The following ZNF551 variants were observed in gnomAD, a reference collection of about 807,000 sequenced individuals.
ZNF551 encodes KOX 23 protein (56 AA).
In ZNF551, 5 loss-of-function variants were observed where a neutral mutation model predicts 7.9. The ratio of observed to expected loss-of-function variants is 0.63; its 90% CI spans 0.33 to 1.33. ZNF551 has a LOEUF of 1.33. ZNF551 is among the 40% of genes most tolerant of loss of function. ZNF551 has a pLI of 0.05. For missense variants in ZNF551, 788 were observed against 825.2 expected, an observed-to-expected ratio of 0.95 and a Z score of 0.55; for synonymous variants, 287 against 277.3, an observed-to-expected ratio of 1.03 and a Z score of -0.35.
In ZNF551 at chr19:57,682,028, G is replaced by T; in HGVS notation, c.-136G>T. On this transcript the variant is annotated 5_prime_UTR_variant, in exon 1 of 3. Coordinates refer to ENST00000282296, the MANE Select transcript of ZNF551 (RefSeq NM_138347.5). ...GGTCATTTTGGCCTCTGTCCTGTTT[G>T]TCCAGCCCGCCAGTTTCTGCAGTGG... 1 of 945,812 alleles carries T rather than the reference G, an allele frequency of 1.1e-6. No individual in the cohort carries two copies. Among genetic ancestry groups the T allele is most frequent in the Non-Finnish European group, 1.6e-6 (1 of 636,562 alleles). 58.6% of individuals were successfully genotyped at this position (945,812 alleles called of 1,614,324 possible). A position where few individuals can be genotyped will look rare whatever the true frequency, so the allele number is the denominator to read the frequency against.
rs377605982 is a variant in ZNF551, at chr19:57,688,300, A to G, written c.*12A>G. 87 of 1,611,008 alleles carry G rather than the reference A, an allele frequency of 5.4e-5. No homozygotes were observed. Among genetic ancestry groups the G allele is most frequent in the Non-Finnish European group, 7.2e-5 (85 of 1,177,924 alleles). On this transcript the variant is annotated 3_prime_UTR_variant, in exon 3 of 3. Coordinates refer to ENST00000282296, the MANE Select transcript of ZNF551 (RefSeq NM_138347.5). ...AAGAAAGGCCTTAAATGTGAAGGGA[A>G]TGTGCTATTTCTTTATTCAGTATAA...
Position 57,688,074 on chromosome 19 carries a change from C to G in ZNF551, c.1799C>G (p.Ser600Cys), listed in dbSNP as rs760992855. The change falls in exon 3 of 3, where the codon TCT becomes TGT. Residue 600 changes from serine (S) to cysteine (C), a missense_variant. By Grantham distance (112) the Ser-to-Cys change is moderately radical (BLOSUM62 -1). Coordinates refer to ENST00000282296, the MANE Select transcript of ZNF551 (RefSeq NM_138347.5). ...TGTGGGAAATCCTTTAGCCAGAGCT[C>G]TAGCCTCATTCAACACCAGAGAGGT... ...SECGKSFSQS[S>C]SLIQHQRGHT... 1.1e-5 allele frequency: 18 copies of G among 1,614,056 alleles called. No homozygotes were observed. The East Asian group carries it at 3.8e-4, about 34-fold the overall frequency.
chr19:57,685,566 C>A, intron 2 of ZNF551, 181 bp downstream of exon 2: 1 of 865,140 alleles, frequency 1.2e-6, no homozygotes, highest in Non-Finnish European at 1.9e-6. Flanking sequence ...CCTCTAGCTG[C>A]CATTTCCTTA....
At position 57,688,306 on chromosome 19, in the gene ZNF551, T is replaced by A. The variant is rs776119073; in HGVS notation, c.*18T>A. ...GGCCTTAAATGTGAAGGGAATGTGC[T>A]ATTTCTTTATTCAGTATAATAGCAC... On this transcript the variant is annotated 3_prime_UTR_variant, in exon 3 of 3. Coordinates refer to ENST00000282296, the MANE Select transcript of ZNF551 (RefSeq NM_138347.5). The A allele has an allele frequency of 3.7e-6, 6 of 1,609,232 alleles. No individual in the cohort carries two copies. In the South Asian group the frequency reaches 5.5e-5, roughly 15 times the overall value.
Position 57,688,247 on chromosome 19 carries a change from C to T in ZNF551, c.1972C>T (p.Leu658Phe), listed in dbSNP as rs751855109. ...CGKSFSRKSNLIRHRRVHTEE... is the reference protein window; with the variant it reads ...CGKSFSRKSNFIRHRRVHTEE... ...GAAATCCTTTAGCCGCAAATCTAAC[C>T]TCATTCGACATCGGAGAGTTCACAC... Residue 658 changes from leucine to phenylalanine, a missense_variant, in exon 3 of 3, where the codon CTC becomes TTC. Leu to Phe is a conservative substitution (Grantham distance 22). Coordinates refer to ENST00000282296, the MANE Select transcript of ZNF551 (RefSeq NM_138347.5). The T allele has an allele frequency of 3.1e-6, 5 of 1,614,260 alleles. No homozygotes were observed. Among genetic ancestry groups the T allele is most frequent in the Non-Finnish European group, 3.4e-6 (4 of 1,180,042 alleles).
rs1377923390 is a variant in ZNF551, at chr19:57,689,809, A to C, written c.*1521A>C. 1 of 152,692 alleles carries C rather than the reference A, an allele frequency of 6.5e-6. No homozygotes were observed. Among genetic ancestry groups the C allele is most frequent in the East Asian group, 1.9e-4 (1 of 5,216 alleles). The allele number at this position is 152,692 out of a possible 1,614,324, so 9.5% of individuals were successfully genotyped here. A position where few individuals can be genotyped will look rare whatever the true frequency, so the allele number is the denominator to read the frequency against. On this transcript the variant is annotated 3_prime_UTR_variant, in exon 3 of 3. Transcript: ENST00000282296. Reference sequence around the variant, plus strand: ...GTGAGACTCCGTCTCCAAAAAAAAAAAAGAAAATAGTCTATAAAGGTTTTG... The same window carrying C: ...GTGAGACTCCGTCTCCAAAAAAAAACAAGAAAATAGTCTATAAAGGTTTTG...
Position 57,682,272 on chromosome 19 carries a change from C to T in ZNF551, c.81+28C>T, listed in dbSNP as rs573587643. The T allele has an allele frequency of 1.7e-4, 265 of 1,547,512 alleles. 2 individuals are homozygous for T. In the South Asian group the frequency reaches 3.0e-3, roughly 17 times the overall value. On this transcript the variant is annotated intron_variant, in intron 1 of 2. Coordinates refer to ENST00000282296, the MANE Select transcript of ZNF551 (RefSeq NM_138347.5). ...GAGTTGTGCGTCCTCCGGGTCTCGC[C>T]TACCTCCCCCAGCAGAAGCCTTAAG...
At position 57,689,258 on chromosome 19, in the gene ZNF551, C is replaced by G. The variant is rs1346734011; in HGVS notation, c.*970C>G. 1 of 152,172 alleles carries G rather than the reference C, an allele frequency of 6.6e-6. No individual in the cohort carries two copies. The highest frequency in any genetic ancestry group is 1.5e-5 in the Non-Finnish European group (1 of 68,052). The allele number at this position is 152,172 out of a possible 1,614,324, so 9.4% of individuals were successfully genotyped here. On this transcript the variant is annotated 3_prime_UTR_variant, in exon 3 of 3. Coordinates refer to ENST00000282296, the MANE Select transcript of ZNF551 (RefSeq NM_138347.5). ...TGTTGCCCAGGTCCTGCAAAGGAGC[C>G]AGGTGCCATGGCATATAAGTCAGTG...
Position 57,687,501 on chromosome 19 carries a change from A to G in ZNF551, c.1226A>G (p.His409Arg). 1.9e-6 allele frequency: 3 copies of G among 1,614,202 alleles called. No individual in the cohort carries two copies. Among genetic ancestry groups the G allele is most frequent in the African/African-American group, 1.3e-5 (1 of 75,064 alleles). Residue 409 changes from histidine to arginine, a missense_variant, in exon 3 of 3, where the codon CAT becomes CGT. By Grantham distance (29) the His-to-Arg change is conservative. Coordinates refer to ENST00000282296, the MANE Select transcript of ZNF551 (RefSeq NM_138347.5). Reference protein sequence around the residue: ...SFRQIFNLIRHRRVHTGEMPY... With the variant: ...SFRQIFNLIRRRRVHTGEMPY... ...AGACAAATCTTCAATCTCATTCGAC[A>G]TAGAAGAGTTCACACTGGAGAAATG...
At chr19:57,686,371 C>A in intron 2 of ZNF551, 110 bp from the exon 3 acceptor site, 1 of 1,450,486 alleles carries the variant, frequency 6.9e-7, no homozygotes, top group Non-Finnish European at 9.3e-7. Context: ...TTCCGTTGTT[C>A]TCAGAACAGT....
At chr19:57,685,817 C>T (rs957421389) in intron 2 of ZNF551, among the ~76,000 whole-genome samples, 1 of 152,156 alleles carries the variant, frequency 6.6e-6, no homozygotes, top group African/African-American at 2.4e-5. Flanking sequence ...GAGGCCTGGC[C>T]CCAGTGAGTG....
At chr19:57,685,210 G>A in intron 1 of ZNF551, 52 bp from the exon 2 acceptor site, 2 of 1,601,996 alleles carry the variant, frequency 1.2e-6, no homozygotes, top group Non-Finnish European at 1.7e-6. Context: ...GGGGGCAAGA[G>A]GATAATGAAC....
intron 1 of ZNF551, among the ~76,000 whole-genome samples, chr19:57,683,424 T>A (rs981528237): frequency 7.9e-5 from 12 of 151,986 alleles, no homozygotes; most frequent in African/African-American, 2.9e-4. Flanking sequence ...ATAGTAGGAG[T>A]AGTTTTCATT....
rs904174071 is a variant in ZNF551, at chr19:57,682,175, G to A, written c.12G>A (p.Pro4=). MPA[P]VGRRSPPSPR... is the part of the protein sequence containing the mutation. ...ACTGTTGTGTTCGAATGCCCGCCCCGGTCGGCCGCCGCTCCCCGCCTAGTC... is the reference window on the plus strand; with the variant it reads ...ACTGTTGTGTTCGAATGCCCGCCCCAGTCGGCCGCCGCTCCCCGCCTAGTC... Residue 4 remains proline, a synonymous_variant, in exon 1 of 3, where the codon CCG becomes CCA. Transcript: ENST00000282296. 2.6e-6 allele frequency: 4 copies of A among 1,548,972 alleles called. No individual in the cohort carries two copies. Among genetic ancestry groups the A allele is most frequent in the Non-Finnish European group, 2.6e-6 (3 of 1,146,740 alleles).
chr19:57,688,385 TG>T lies in ZNF551; in HGVS notation c.*101del. The T allele has an allele frequency of 2.7e-6, 4 of 1,480,032 alleles. No individual in the cohort carries two copies. In the South Asian group the frequency reaches 4.0e-5, roughly 15 times the overall value. The allele number at this position is 1,480,032 out of a possible 1,614,324, so 91.7% of individuals were successfully genotyped here. A position where few individuals can be genotyped will look rare whatever the true frequency, so the allele number is the denominator to read the frequency against. On this transcript the variant is annotated 3_prime_UTR_variant, in exon 3 of 3. Coordinates refer to ENST00000282296, the MANE Select transcript of ZNF551 (RefSeq NM_138347.5). Reference sequence around the variant, plus strand: ...AAATTTAAACTTTGAGCACCCACAGTGGGGTATTCTTCATAAGTTTCAGGTA... The same window carrying T: ...AAATTTAAACTTTGAGCACCCACAGTGGGTATTCTTCATAAGTTTCAGGTA...
In ZNF551 at chr19:57,685,174, A is replaced by G; in HGVS notation, c.82-88A>G. On this transcript the variant is annotated intron_variant, in intron 1 of 2. Transcript: ENST00000282296. ...GCTGGTTATCTCCGCTGAGGTGGGC[A>G]ATAGGGTGACCTGGGGATGGATGTT... 4 of 1,564,308 alleles carry G rather than the reference A, an allele frequency of 2.6e-6. No individual in the cohort carries two copies. The South Asian group carries it at 4.9e-5, about 19-fold the overall frequency.
Position 57,687,346 on chromosome 19 carries a change from C to T in ZNF551, c.1071C>T (p.His357=). 6.2e-7 allele frequency: 1 copy of T among 1,614,238 alleles called. No homozygotes were observed. Among genetic ancestry groups the T allele is most frequent in the Non-Finnish European group, 8.5e-7 (1 of 1,180,046 alleles). Residue 357 remains histidine (H), a synonymous_variant, in exon 3 of 3, where the codon CAC becomes CAT. Coordinates refer to ENST00000282296, the MANE Select transcript of ZNF551 (RefSeq NM_138347.5). ...KSNLIEHQRV[H]TGERPYECGE... ...ACCTCATTGAACACCAGAGAGTTCA[C>T]ACTGGAGAAAGGCCTTATGAATGTG...
Position 57,686,840 on chromosome 19 carries a change from G to T in ZNF551, c.565G>T (p.Ala189Ser), listed in dbSNP as rs759396102. The change falls in exon 3 of 3, where the codon GCC becomes TCC. Residue 189 changes from alanine (A) to serine (S), a missense_variant. Physicochemically the swap from Ala to Ser is moderately conservative, Grantham distance 99 (BLOSUM62 1). Coordinates refer to ENST00000282296, the MANE Select transcript of ZNF551 (RefSeq NM_138347.5). ...TTTCACCTGTGGGGAGGCCTTCCCA[G>T]CCCCCACGGACCTACTCCAACACGA... ...NYFTCGEAFP[A>S]PTDLLQHEAT... The T allele has an allele frequency of 5.0e-6, 8 of 1,614,160 alleles. No homozygotes were observed. In the South Asian group the frequency reaches 6.6e-5, roughly 13 times the overall value.
rs142152337 is a variant in ZNF551 at position 57,687,385 on chromosome 19, A to G, written c.1110A>G (p.Lys370=). Residue 370 remains lysine (K), a synonymous_variant, in exon 3 of 3, where the codon AAA becomes AAG. Transcript: ENST00000282296. The part of the protein sequence containing the change: ...ERPYECGECG[K]SFRQSSSLFR... ...CTTATGAATGTGGCGAGTGCGGGAAATCCTTTAGACAAAGCTCTAGCCTTT... is the reference window on the plus strand; with the variant it reads ...CTTATGAATGTGGCGAGTGCGGGAAGTCCTTTAGACAAAGCTCTAGCCTTT... The G allele has an allele frequency of 2.3e-4, 364 of 1,614,074 alleles. 1 individual carries two copies. The African/African-American group carries it at 4.5e-3, about 20-fold the overall frequency.
Sources: allele counts gnomAD v4.1 joint callset (sites outside exome capture counted in the v4.1 genomes callset), GRCh38; gene constraint gnomAD v4.1.1; transcripts MANE v1.5; gene names NCBI Gene and HGNC (gene_info 2026-07-23, HGNC 2026-07-21).